The following DMXL1 variants were observed in gnomAD, a reference collection of about 807,000 sequenced individuals.
DMXL1 encodes Dmx like 1.
DMXL1 carries 99 observed loss-of-function variants against 319.2 expected under a neutral mutation model. The observed-to-expected ratio is 0.31, with a 90% CI of 0.26 to 0.37. DMXL1 has a LOEUF of 0.37. DMXL1 is among the 10% of genes least tolerant of loss of function. DMXL1 has a pLI of 1.00. For missense variants in DMXL1, 3,745 were observed against 3,595.6 expected (o/e 1.04, Z -1.06); for synonymous variants, 1,385 against 1,235.2 (o/e 1.12, Z -2.54).
chr5:119,137,210 C>T (rs1020895740), intron 13 of DMXL1, among the ~76,000 whole-genome samples: 1 of 152,204 alleles, frequency 6.6e-6, no homozygotes, highest in South Asian at 2.1e-4. Context: ...ACTGCCTGGC[C>T]AGGTTTCAGA....
Position 119,121,211 on chromosome 5 carries a change from T to C in DMXL1, c.1102+72T>C, listed in dbSNP as rs896979283. The C allele has an allele frequency of 1.3e-5, 17 of 1,324,426 alleles. No individual in the cohort carries two copies. In the Admixed American group the frequency reaches 2.4e-4, roughly 19 times the overall value. 82.0% of individuals were successfully genotyped at this position (1,324,426 alleles called of 1,614,324 possible). A position where few individuals can be genotyped will look rare whatever the true frequency, so the allele number is the denominator to read the frequency against. On this transcript the variant is annotated intron_variant, in intron 9 of 43. Transcript: ENST00000539542. ...ATTTTATAACAACTAAGTTATACTT[T>C]TAGTTTTCAAATAAGTAAAATATTG...
At chr5:119,239,127 C>CT (rs1788290436) in intron 41 of DMXL1, 47 bp downstream of exon 41, 29 of 1,586,800 alleles carry the variant, frequency 1.8e-5, no homozygotes, top group African/African-American at 4.0e-5. Flanking sequence ...TATAGCTGAA[C>CT]TTTTTTTTAT....
At position 119,166,484 on chromosome 5, in the gene DMXL1, C is replaced by T. The variant is rs1773470100; in HGVS notation, c.4971-132C>T. ...ATATAATTTTTACTGGGAAAAGAAG[C>T]AGATACATAGTAAGTTATGAACTGG... On this transcript the variant is annotated intron_variant, in intron 21 of 43. Coordinates refer to ENST00000539542, the MANE Select transcript of DMXL1 (RefSeq NM_001290321.3). 7.5e-6 allele frequency: 5 copies of T among 666,610 alleles called. No individual in the cohort carries two copies. The South Asian group carries it at 1.1e-4, about 14-fold the overall frequency. The allele number at this position is 666,610 out of a possible 1,614,324, so 41.3% of individuals were successfully genotyped here. A position where few individuals can be genotyped will look rare whatever the true frequency, so the allele number is the denominator to read the frequency against.
chr5:119,237,239 A>C, intron 39 of DMXL1, 83 bp from the exon 40 acceptor site: 1 of 721,316 alleles, frequency 1.4e-6, no homozygotes, highest in Non-Finnish European at 2.2e-6. Context: ...ACGAGTCAAA[A>C]TATGGGTGTC....
At chr5:119,197,453 G>A (rs1450086322) in intron 31 of DMXL1, among the ~76,000 whole-genome samples, 1 of 152,158 alleles carries the variant, frequency 6.6e-6, no homozygotes, top group African/African-American at 2.4e-5. Flanking sequence ...GATTTAAAGC[G>A]ATTAATTTTC....
intron 26 of DMXL1, among the ~76,000 whole-genome samples, 157 bp from the exon 27 acceptor site, chr5:119,177,200 C>G (rs1288989268): frequency 6.6e-6 from 1 of 152,068 alleles, no homozygotes; most frequent in Non-Finnish European, 1.5e-5. Flanking sequence ...TTAAAGGATA[C>G]TTTGTTTTTA....
In DMXL1 at chr5:119,203,668, C is replaced by T. The variant is rs144291818; in HGVS notation, c.7863+232C>T. Among the ~76,000 whole-genome samples the T allele has an allele frequency of 8.9e-4, 136 of 151,994 alleles. 2 individuals are homozygous for T. The highest frequency in any genetic ancestry group is 3.0e-3 in the African/African-American group (124 of 41,490). On this transcript the variant is annotated intron_variant, in intron 33 of 43. Transcript: ENST00000539542. ...TTCTCGATAAAAATGTTTAATATTC[C>T]GCATCTTGTTTTGAATTGTCATGAT...
chr5:119,132,745 G>T, intron 10 of DMXL1: 1 of 535,634 alleles, frequency 1.9e-6, no homozygotes. Context: ...CATTGCTGCT[G>T]GCTATGAAAC....
intron 4 of DMXL1, among the ~76,000 whole-genome samples, chr5:119,108,140 ATC>A (rs1481419505): frequency 6.6e-6 from 1 of 152,154 alleles, no homozygotes; most frequent in East Asian, 1.9e-4. Flanking sequence ...AGTTGGGAGG[ATC>A]GCTTGAGCCC....
At position 119,096,717 on chromosome 5, in the gene DMXL1, G is replaced by T. The variant is rs150326074; in HGVS notation, c.88-1262G>T. On this transcript the variant is annotated intron_variant, in intron 1 of 43. Transcript: ENST00000539542. ...CACAAAAGAAGAGTTCTAGTTGGGA[G>T]AGTTATGCTAACTGTTGTAAAATTG... Among the ~76,000 whole-genome samples, 599 of 152,292 alleles carry T rather than the reference G, an allele frequency of 3.9e-3. 10 individuals carry two copies. The highest frequency in any genetic ancestry group is 0.028 in the South Asian group (137 of 4,828).
rs2150051011 is a variant in DMXL1 at position 119,133,543 on chromosome 5, A to G, written c.1619A>G (p.Asn540Ser). 6.8e-6 allele frequency: 11 copies of G among 1,612,876 alleles called. No individual in the cohort carries two copies. Among genetic ancestry groups the G allele is most frequent in the Non-Finnish European group, 9.3e-6 (11 of 1,179,752 alleles). ...IPVAFPTGDA[N>S]SLCKSIMMYA... ...GTAGCTTTCCCCACAGGTGATGCAA[A>G]CTCTCTCTGTAAAAGCATAATGATG... The change falls in exon 12 of 44, where the codon AAC becomes AGC. Residue 540 changes from asparagine to serine, a missense_variant. Physicochemically the swap from Asn to Ser is conservative, Grantham distance 46 (BLOSUM62 1). Transcript: ENST00000539542.
In DMXL1 at chr5:119,133,240, T is replaced by C; in HGVS notation, c.1424T>C (p.Ile475Thr). Residue 475 changes from isoleucine to threonine, a missense_variant, in exon 11 of 44, where the codon ATT (isoleucine) becomes ACT (threonine). Ile to Thr is a moderately conservative substitution (Grantham distance 89, BLOSUM62 -1). Coordinates refer to ENST00000539542, the MANE Select transcript of DMXL1 (RefSeq NM_001290321.3). Reference sequence around the variant, plus strand: ...TTTACATCATTATCGTCAGCTGCCATTGATCATCAGATTGAAGTACTTCTG... The same window carrying C: ...TTTACATCATTATCGTCAGCTGCCACTGATCATCAGATTGAAGTACTTCTG... Reference protein sequence around the residue: ...SSFTSLSSAAIDHQIEVLLSE... With the variant: ...SSFTSLSSAATDHQIEVLLSE... 6.2e-7 allele frequency: 1 copy of C among 1,614,196 alleles called. No individual in the cohort carries two copies. The highest frequency in any genetic ancestry group is 1.3e-5 in the African/African-American group (1 of 75,062).
chr5:119,219,107 C>T (rs897626185), intron 35 of DMXL1, among the ~76,000 whole-genome samples: 1 of 152,086 alleles, frequency 6.6e-6, no homozygotes, highest in East Asian at 1.9e-4. Flanking sequence ...AAGCAATAAC[C>T]AGAAAATCAG....
At chr5:119,194,025 A>G in intron 30 of DMXL1, 55 bp downstream of exon 30, 4 of 1,260,680 alleles carry the variant, frequency 3.2e-6, no homozygotes, top group Non-Finnish European at 4.2e-6. Context: ...TATATAAATA[A>G]TATTTTTGAA....
At chr5:119,178,381 T>C (rs761392294) in intron 28 of DMXL1, 137 bp downstream of exon 28, 4 of 1,026,656 alleles carry the variant, frequency 3.9e-6, no homozygotes, top group Non-Finnish European at 5.5e-6. Context: ...CAAATAGTCA[T>C]ACAGTGAAAA....
intron 9 of DMXL1, chr5:119,127,757 CA>C (rs1409138596): frequency 4.0e-6 from 1 of 252,026 alleles, no homozygotes; most frequent in Non-Finnish European, 7.9e-6. Context: ...ATCTTTTTAA[CA>C]AGTTTATTTT....
rs773608550 is a variant in DMXL1, at chr5:119,147,303, ATTC to A, written c.2752_2754del (p.Ser918del). 1.6e-5 allele frequency: 26 copies of A among 1,613,440 alleles called. No individual in the cohort carries two copies. Among genetic ancestry groups the A allele is most frequent in the Non-Finnish European group, 1.9e-5 (23 of 1,179,696 alleles). ...GCGGTTTGGCAGCCAGAAGAACATT[ATTC>A]TTCTTCTCCAGAGAAGATCCTATCT... On this transcript the variant is annotated inframe_deletion, in exon 17 of 44. Transcript: ENST00000539542.
chr5:119,196,356 T>C lies in DMXL1; in HGVS notation c.7458-15T>C. On this transcript the variant is annotated splice_polypyrimidine_tract_variant and intron_variant, in intron 30 of 43. Coordinates refer to ENST00000539542, the MANE Select transcript of DMXL1 (RefSeq NM_001290321.3). ...ATAGAAATAGTTAACAGATCCATCG[T>C]TGCTTTATTTTTAGTTGGTCCTTGA... The C allele has an allele frequency of 6.2e-7, 1 of 1,604,904 alleles. No homozygotes were observed. Among genetic ancestry groups the C allele is most frequent in the Non-Finnish European group, 8.5e-7 (1 of 1,171,674 alleles).
At chr5:119,220,764 G>A (rs974049939) in intron 36 of DMXL1, among the ~76,000 whole-genome samples, 171 bp downstream of exon 36, 2 of 152,226 alleles carry the variant, frequency 1.3e-5, no homozygotes, top group African/African-American at 4.8e-5. Flanking sequence ...ACTGAGAGAA[G>A]AGTAAGTGAA....
Sources: gnomAD v4.1 joint callset for allele counts (sites outside exome capture counted in the v4.1 genomes callset) on GRCh38, gnomAD v4.1.1 for gene constraint, MANE v1.5 for transcripts, NCBI Gene and HGNC (gene_info 2026-07-23, HGNC 2026-07-21) for gene names.